Variants in FNDC8 observed in about 807,000 individuals in gnomAD.
FNDC8 encodes the protein fibronectin type III domain-containing protein 8.
A neutral mutation model predicts 24.8 loss-of-function variants in FNDC8; 23 were observed. The ratio of observed to expected loss-of-function variants is 0.93; its 90% CI spans 0.67 to 1.31. The LOEUF (loss-of-function observed/expected upper bound fraction) is 1.31, where lower values mean the gene tolerates loss of function less well. Ranked by LOEUF, FNDC8 falls within the 40% of genes most tolerant of loss-of-function variation. The pLI is 0.00. For synonymous variants in FNDC8, 158 were observed against 165.3 expected (o/e 0.96, Z 0.34); for missense variants, 371 against 398.2 (o/e 0.93, Z 0.58).
intron 1 of FNDC8, among the ~76,000 whole-genome samples, chr17:35,122,600 C>A (rs987975078): frequency 6.6e-6 from 1 of 152,034 alleles, no homozygotes; most frequent in Non-Finnish European, 1.5e-5. Context: ...ATCACCAAAT[C>A]CCTGACACAC....
chr17:35,122,157 C>CATATAT (rs1161260066), intron 1 of FNDC8, among the ~76,000 whole-genome samples: 15 of 36,444 alleles, frequency 4.1e-4, no homozygotes, highest in South Asian at 1.3e-3. Flanking sequence ...GGCTAATTTT[C>CATATAT]ATATATATAT....
At chr17:35,129,225 C>A in intron 2 of FNDC8, 197 bp from the exon 3 acceptor site, 1 of 682,798 alleles carries the variant, frequency 1.5e-6, no homozygotes, top group Non-Finnish European at 2.5e-6. Flanking sequence ...GGTGGGGCTG[C>A]CCAGGAGAGT....
At chr17:35,125,024 G>A (rs1413535209) in intron 1 of FNDC8, among the ~76,000 whole-genome samples, 1 of 150,872 alleles carries the variant, frequency 6.6e-6, no homozygotes, top group Non-Finnish European at 1.5e-5. Flanking sequence ...CTCCAGCCTG[G>A]GCGACAGAGC....
At chr17:35,123,080 A>G (rs8077720) in intron 1 of FNDC8, among the ~76,000 whole-genome samples, 115,229 of 152,114 alleles carry the variant, frequency 0.76, 44,253 homozygotes, top group East Asian at 0.91. Context: ...ATGTGGGCTG[A>G]GGGAATTACT....
At chr17:35,123,601 G>A (rs1043124750) in intron 1 of FNDC8, among the ~76,000 whole-genome samples, 7 of 152,160 alleles carry the variant, frequency 4.6e-5, no homozygotes, top group Admixed American at 4.6e-4. Flanking sequence ...AGCTGGATGT[G>A]GTGGCACGCA....
At chr17:35,129,874 T>A in intron 3 of FNDC8, 1 of 1,415,780 alleles carries the variant, frequency 7.1e-7, no homozygotes, top group Non-Finnish European at 9.2e-7. Context: ...AACGAATGTA[T>A]TTTTCAACAT....
rs544229676 is a variant in FNDC8 at position 35,129,060 on chromosome 17, GTAAA to G, written c.586-359_586-356del. 4.1e-4 allele frequency: 91 copies of G among 224,130 alleles called. No homozygotes were observed. The Middle Eastern group carries it at 5.3e-3, about 13-fold the overall frequency. The allele number at this position is 224,130 out of a possible 1,614,324, so 13.9% of individuals were successfully genotyped here. ...GTACCCTGAGCCGTGGGGAGCAGCT[GTAAA>G]TACAGATGAAGCTTCGCTTGCTCGC... is the stretch of plus-strand genomic sequence containing the variant. On this transcript the variant is annotated intron_variant, in intron 2 of 3. Transcript: ENST00000158009.
chr17:35,121,988 T>TCCCTTCCTTCC, intron 1 of FNDC8, 86 bp downstream of exon 1: 1 of 13,666 alleles, frequency 7.3e-5, no homozygotes, highest in Non-Finnish European at 1.0e-4. Context: ...CCTTCCTTCC[T>TCCCTTCCTTCC]TTTTTTTTTT....
intron 1 of FNDC8, among the ~76,000 whole-genome samples, chr17:35,124,899 T>C (rs1567739483): frequency 2.0e-5 from 3 of 150,870 alleles, no homozygotes; most frequent in Admixed American, 6.6e-5. Flanking sequence ...AATACAAAAA[T>C]TGGGCAGATG....
intron 1 of FNDC8, among the ~76,000 whole-genome samples, chr17:35,124,637 C>A (rs1169348901): frequency 6.6e-6 from 1 of 152,102 alleles, no homozygotes; most frequent in Non-Finnish European, 1.5e-5. Context: ...TAGTTATAGG[C>A]GTATATATGC....
chr17:35,127,707 A>G (rs1453550801), intron 2 of FNDC8, among the ~76,000 whole-genome samples: 1 of 152,230 alleles, frequency 6.6e-6, no homozygotes, highest in Admixed American at 6.5e-5. Context: ...TAGAGGTAGC[A>G]TGTAAACATC....
chr17:35,130,202 A>G (rs1444011644), intron 3 of FNDC8, 80 bp from the exon 4 acceptor site: 21 of 1,542,598 alleles, frequency 1.4e-5, no homozygotes, highest in Non-Finnish European at 1.8e-5. Context: ...AGACAGAAAA[A>G]AAAGGGGTGA....
chr17:35,127,106 T>A lies in FNDC8; in HGVS notation c.274T>A (p.Ser92Thr), dbSNP rs1236224839. ...SDETSISAFS[S>T]TLLNPIKLAV... ...TGAGACCAGCATCTCTGCCTTCTCA[T>A]CCACCTTGCTGAACCCCATCAAATT... Residue 92 changes from serine (S) to threonine (T), a missense_variant, in exon 2 of 4, where the codon TCC becomes ACC. Ser to Thr is a moderately conservative substitution (Grantham distance 58). Coordinates refer to ENST00000158009, the MANE Select transcript of FNDC8 (RefSeq NM_017559.4). The A allele has an allele frequency of 6.2e-7, 1 of 1,614,002 alleles. No individual in the cohort carries two copies. The highest frequency in any genetic ancestry group is 8.5e-7 in the Non-Finnish European group (1 of 1,179,984).
chr17:35,130,513 C>A lies in FNDC8; in HGVS notation c.*79C>A. Reference sequence around the variant, plus strand: ...TCAGAAACCAGAGCCATGAGACCTACCATACCACCAGCACCCTGCGGGCCC... The same window carrying A: ...TCAGAAACCAGAGCCATGAGACCTAACATACCACCAGCACCCTGCGGGCCC... On this transcript the variant is annotated 3_prime_UTR_variant, in exon 4 of 4. Coordinates refer to ENST00000158009, the MANE Select transcript of FNDC8 (RefSeq NM_017559.4). 3 of 1,452,634 alleles carry A rather than the reference C, an allele frequency of 2.1e-6. No individual in the cohort carries two copies. The highest frequency in any genetic ancestry group is 1.2e-5 in the South Asian group (1 of 80,444). 90.0% of individuals were successfully genotyped at this position (1,452,634 alleles called of 1,614,324 possible).
intron 1 of FNDC8, 149 bp downstream of exon 1, chr17:35,122,051 C>T: frequency 1.6e-6 from 1 of 617,056 alleles, no homozygotes; most frequent in South Asian, 2.0e-5. Context: ...GTGGTGCAAT[C>T]TCGGCTCACT....
chr17:35,126,802 G>A (rs1291370206), intron 1 of FNDC8, among the ~76,000 whole-genome samples: 1 of 152,162 alleles, frequency 6.6e-6, no homozygotes, highest in African/African-American at 2.4e-5. Context: ...GCCCAGCCAG[G>A]ATCTTATTAA....
At chr17:35,122,029 G>A in intron 1 of FNDC8, 127 bp downstream of exon 1, 1 of 715,328 alleles carries the variant, frequency 1.4e-6, no homozygotes. Context: ...TTGTCACCCA[G>A]GCTGGAGTGC....
At chr17:35,129,380 A>C in intron 2 of FNDC8, 42 bp from the exon 3 acceptor site, 1 of 1,597,926 alleles carries the variant, frequency 6.3e-7, no homozygotes, top group Non-Finnish European at 8.5e-7. Flanking sequence ...CAGGAAGGAC[A>C]GGACATATCT....
intron 2 of FNDC8, 38 bp downstream of exon 2, chr17:35,127,455 T>C: frequency 2.0e-6 from 3 of 1,510,824 alleles, no homozygotes; most frequent in African/African-American, 2.8e-5. Flanking sequence ...CAGAGGCTTA[T>C]TGTGCCAGGC....
Sources: allele counts gnomAD v4.1 joint callset (sites outside exome capture counted in the v4.1 genomes callset), GRCh38; gene constraint gnomAD v4.1.1; transcripts MANE v1.5; gene names NCBI Gene and HGNC (gene_info 2026-07-23, HGNC 2026-07-21).